ALPK3: variants seen among roughly 807,000 people sequenced by gnomAD.
ALPK3 encodes alpha-protein kinase 3.
Under a neutral mutation model 140.0 loss-of-function variants are expected in ALPK3, and 102 were observed. That is an observed-to-expected ratio of 0.73 (90% CI 0.62 to 0.86). ALPK3 has a LOEUF of 0.86. ALPK3 is among the 40% of genes least tolerant of loss of function. The pLI, the probability that ALPK3 is intolerant of heterozygous loss-of-function variation, is 0.00. For missense variants in ALPK3, 2,254 were observed against 2,208.2 expected (o/e 1.02, Z -0.42); for synonymous variants, 938 against 898.5 (o/e 1.04, Z -0.79).
chr15:84,860,087 T>C lies in ALPK3; in HGVS notation c.4129+15T>C. 6.2e-7 allele frequency: 1 copy of C among 1,613,922 alleles called. No homozygotes were observed. The highest frequency in any genetic ancestry group is 8.5e-7 in the Non-Finnish European group (1 of 1,179,864). ...AGAAGGTGAAGGTATGGTTCCCCCC[T>C]GGGGAAGGCGGGGTGGTCCTACCCC... On this transcript the variant is annotated intron_variant, in intron 9 of 13. Transcript: ENST00000258888.
At chr15:84,860,530 C>T (rs895390804) in intron 9 of ALPK3, among the ~76,000 whole-genome samples, 1 of 152,186 alleles carries the variant, frequency 6.6e-6, no homozygotes, top group Non-Finnish European at 1.5e-5. Context: ...CCCTGGTGAT[C>T]ATGAAATACC....
Position 84,839,807 on chromosome 15 carries a change from G to A in ALPK3, c.528G>A (p.Lys176=). ...VLEVGTMTEY[K]IHQRWFAKLK... ...AGGTGGGCACCATGACTGAGTACAA[G>A]ATCCACCAGCGCTGGTTCGCCAAGT... The change falls in exon 5 of 14, where the codon AAG becomes AAA. Residue 176 remains lysine (K), a synonymous_variant. Coordinates refer to ENST00000258888, the MANE Select transcript of ALPK3 (RefSeq NM_020778.5). 1 of 1,614,128 alleles carries A rather than the reference G, an allele frequency of 6.2e-7. No individual in the cohort carries two copies. The highest frequency in any genetic ancestry group is 8.5e-7 in the Non-Finnish European group (1 of 1,180,024).
At chr15:84,820,928 C>G (rs1386736933) in intron 1 of ALPK3, among the ~76,000 whole-genome samples, 1 of 152,194 alleles carries the variant, frequency 6.6e-6, no homozygotes, top group Non-Finnish European at 1.5e-5. Flanking sequence ...TCAGTCCTAA[C>G]TTCACTCCTT....
rs1963985576 is a variant in ALPK3, at chr15:84,864,738, G to C, written c.4723+73G>C. On this transcript the variant is annotated intron_variant, in intron 12 of 13. Transcript: ENST00000258888. The stretch of plus-strand genomic sequence containing the variant: ...AGCATGCAGAGGAGGCAAAGCCATA[G>C]TGCTTGGCTGATCGTTTACAAAGCA... 2.8e-6 allele frequency: 4 copies of C among 1,450,456 alleles called. No individual in the cohort carries two copies. In the African/African-American group the frequency reaches 5.6e-5, roughly 20 times the overall value. 89.8% of individuals were successfully genotyped at this position (1,450,456 alleles called of 1,614,324 possible).
At chr15:84,819,227 A>G (rs1386451266) in intron 1 of ALPK3, among the ~76,000 whole-genome samples, 1 of 152,268 alleles carries the variant, frequency 6.6e-6, no homozygotes, top group Non-Finnish European at 1.5e-5. Context: ...AGCTAGAGGC[A>G]GGATAGAAGT....
In ALPK3 at chr15:84,860,079, T is replaced by C. The variant is rs774576445; in HGVS notation, c.4129+7T>C. The C allele has an allele frequency of 1.2e-6, 2 of 1,613,964 alleles. No homozygotes were observed. The highest frequency in any genetic ancestry group is 1.7e-5 in the Admixed American group (1 of 60,016). On this transcript the variant is annotated splice_region_variant and intron_variant, in intron 9 of 13. Transcript: ENST00000258888. ...TCCAGAGAAGAAGGTGAAGGTATGG[T>C]TCCCCCCTGGGGAAGGCGGGGTGGT...
rs1014207002 is a variant in ALPK3, at chr15:84,871,753, T to C, written c.*3297T>C. 2 of 152,244 alleles carry C rather than the reference T, an allele frequency of 1.3e-5. No homozygotes were observed. The highest frequency in any genetic ancestry group is 2.9e-5 in the Non-Finnish European group (2 of 68,040). The allele number at this position is 152,244 out of a possible 1,614,324, so 9.4% of individuals were successfully genotyped here. A position where few individuals can be genotyped will look rare whatever the true frequency, so the allele number is the denominator to read the frequency against. On this transcript the variant is annotated 3_prime_UTR_variant, in exon 14 of 14. Transcript: ENST00000258888. ...CATTTCACCACCCTCTCAAGACAGC[T>C]GCTGCTGGTTTGTGGGTTCCTGACA...
At chr15:84,854,806 A>G (rs1963842204) in intron 5 of ALPK3, among the ~76,000 whole-genome samples, 1 of 152,218 alleles carries the variant, frequency 6.6e-6, no homozygotes, top group South Asian at 2.1e-4. Context: ...GAACATTGAC[A>G]TTCTGATTTG....
intron 13 of ALPK3, among the ~76,000 whole-genome samples, 153 bp from the exon 14 acceptor site, chr15:84,867,958 G>C (rs1254919259): frequency 6.6e-6 from 1 of 152,080 alleles, no homozygotes; most frequent in East Asian, 1.9e-4. Flanking sequence ...GCTGCCACCT[G>C]AGGTAGCACC....
chr15:84,868,443 AG>A lies in ALPK3; in HGVS notation c.5108del (p.Gly1703AlafsTer53), dbSNP rs778556815. On this transcript the variant is annotated frameshift_variant, in exon 14 of 14. Coordinates refer to ENST00000258888, the MANE Select transcript of ALPK3 (RefSeq NM_020778.5). LOFTEE classifies it high-confidence loss of function. ...PPTQEEGSKAQGMR is the reference protein window; with the variant it reads ...PPTQEEGSKAXGMR Reference sequence around the variant, plus strand: ...ACCCAAGAGGAGGGCTCCAAGGCCCAGGGCATGCGGTAGCCTCCGCAGAGGC... The same window carrying A: ...ACCCAAGAGGAGGGCTCCAAGGCCCAGGCATGCGGTAGCCTCCGCAGAGGC... 1.2e-6 allele frequency: 2 copies of A among 1,608,332 alleles called. No homozygotes were observed. Among genetic ancestry groups the A allele is most frequent in the South Asian group, 1.1e-5 (1 of 91,052 alleles).
At position 84,856,546 on chromosome 15, in the gene ALPK3, G is replaced by T. The variant is rs1412921795; in HGVS notation, c.1808G>T (p.Arg603Ile). ...GATGGGAGAACATCTGCTAACCAGA[G>T]AACTGGAAGCAAGAAGAATGTGCAG... is the stretch of plus-strand genomic sequence containing the variant. ...QEDGRTSANQ[R>I]TGSKKNVQAD... Residue 603 changes from arginine to isoleucine, a missense_variant, in exon 6 of 14, where the codon AGA becomes ATA. Arg to Ile is a moderately conservative substitution (Grantham distance 97). Transcript: ENST00000258888. The T allele has an allele frequency of 6.2e-7, 1 of 1,614,168 alleles. No homozygotes were observed. Among genetic ancestry groups the T allele is most frequent in the Non-Finnish European group, 8.5e-7 (1 of 1,180,034 alleles).
rs1964048963 is a variant in ALPK3 at position 84,869,892 on chromosome 15, C to CTTGTG, written c.*1436_*1437insTTGTG. 1 of 152,476 alleles carries CTTGTG rather than the reference C, an allele frequency of 6.6e-6. No individual in the cohort carries two copies. The highest frequency in any genetic ancestry group is 1.5e-5 in the Non-Finnish European group (1 of 68,054). 9.4% of individuals were successfully genotyped at this position (152,476 alleles called of 1,614,324 possible). A position where few individuals can be genotyped will look rare whatever the true frequency, so the allele number is the denominator to read the frequency against. Reference sequence around the variant, plus strand: ...TTCCTGGACCGAAGTTCAGTCGCAGCCTTCTGTGGCCACAGAAAGACAGCT... The same window carrying CTTGTG: ...TTCCTGGACCGAAGTTCAGTCGCAGCTTGTGCTTCTGTGGCCACAGAAAGACAGCT... On this transcript the variant is annotated 3_prime_UTR_variant, in exon 14 of 14. Transcript: ENST00000258888.
At chr15:84,850,308 G>C (rs1963788162) in intron 5 of ALPK3, among the ~76,000 whole-genome samples, 2 of 152,168 alleles carry the variant, frequency 1.3e-5, no homozygotes, top group African/African-American at 4.8e-5. Context: ...TCATTCAGTT[G>C]TTCATTCCTG....
chr15:84,843,744 G>A (rs1450261700), intron 5 of ALPK3, among the ~76,000 whole-genome samples: 1 of 152,194 alleles, frequency 6.6e-6, no homozygotes, highest in East Asian at 1.9e-4. Flanking sequence ...TTTTTAAAAA[G>A]TATTTCAAAT....
intron 5 of ALPK3, among the ~76,000 whole-genome samples, chr15:84,850,541 A>G (rs1265064555): frequency 6.7e-6 from 1 of 149,772 alleles, no homozygotes; most frequent in Admixed American, 6.6e-5. Flanking sequence ...ATGCCACCAC[A>G]CCTGGCTAAA....
At chr15:84,861,944 T>A (rs915463409) in intron 9 of ALPK3, among the ~76,000 whole-genome samples, 1 of 152,212 alleles carries the variant, frequency 6.6e-6, no homozygotes, top group Non-Finnish European at 1.5e-5. Flanking sequence ...GTTGCCAAGA[T>A]TGTTTCCTTT....
intron 13 of ALPK3, among the ~76,000 whole-genome samples, chr15:84,867,900 A>T (rs2141575970): frequency 6.6e-6 from 1 of 152,124 alleles, no homozygotes; most frequent in Non-Finnish European, 1.5e-5. Flanking sequence ...GGCCAAGTAG[A>T]GAGACTCTGT....
At position 84,839,924 on chromosome 15, in the gene ALPK3, G is replaced by A. The variant is rs1306221276; in HGVS notation, c.645G>A (p.Lys215=). ...AVPGEVDTLR[K]LSPDRFQRKR... is the part of the protein sequence containing the mutation. ...CTGGGGAGGTCGACACTCTGCGCAA[G>A]CTCAGCCCCGACCGCTTCCAGCGAA... Residue 215 remains lysine, a synonymous_variant, in exon 5 of 14, where the codon AAG becomes AAA. Coordinates refer to ENST00000258888, the MANE Select transcript of ALPK3 (RefSeq NM_020778.5). 2 of 1,613,760 alleles carry A rather than the reference G, an allele frequency of 1.2e-6. No homozygotes were observed. The highest frequency in any genetic ancestry group is 1.3e-5 in the African/African-American group (1 of 74,938).
At chr15:84,863,739 A>T in intron 11 of ALPK3, 99 bp downstream of exon 11, 1 of 1,194,776 alleles carries the variant, frequency 8.4e-7, no homozygotes, top group Non-Finnish European at 1.2e-6. Context: ...ATCCTGCGTT[A>T]TGCCCATGTG....
Sources: gnomAD v4.1 joint callset for allele counts (sites outside exome capture counted in the v4.1 genomes callset) on GRCh38, gnomAD v4.1.1 for gene constraint, MANE v1.5 for transcripts, NCBI Gene and HGNC (gene_info 2026-07-23, HGNC 2026-07-21) for gene names.